PTDSS2: variants seen among roughly 807,000 people sequenced by gnomAD.
PTDSS2 encodes the protein PSS-2.
In PTDSS2, 41 loss-of-function variants were observed where a neutral mutation model predicts 64.7. The observed-to-expected ratio is 0.63, with a 90% CI of 0.49 to 0.82. The LOEUF is 0.82. Ranked by LOEUF, PTDSS2 falls within the 40% of genes least tolerant of loss-of-function variation. PTDSS2 has a pLI of 0.00. For synonymous variants in PTDSS2, 297 were observed against 277.8 expected, an observed-to-expected ratio of 1.07 and a Z score of -0.69; for missense variants, 485 against 650.0, an observed-to-expected ratio of 0.75 and a Z score of 2.76.
Position 450,471 on chromosome 11 carries a change from C to G in PTDSS2, c.16C>G (p.Arg6Gly), listed in dbSNP as rs550949084. MRRGE[R>G]RDAGGPRPES... is the part of the protein sequence containing the mutation. ...CCGAAACGCCATGCGGAGGGGCGAG[C>G]GCAGGGACGCCGGAGGTCCGCGGCC... Residue 6 changes from arginine (R) to glycine (G), a missense_variant, in exon 1 of 12, where the codon CGC (arginine) becomes GGC (glycine). Coordinates refer to ENST00000308020, the MANE Select transcript of PTDSS2 (RefSeq NM_030783.3). The G allele has an allele frequency of 8.1e-7, 1 of 1,231,006 alleles. No individual in the cohort carries two copies. Among genetic ancestry groups the G allele is most frequent in the Non-Finnish European group, 1.0e-6 (1 of 983,396 alleles). 76.3% of individuals were successfully genotyped at this position (1,231,006 alleles called of 1,614,324 possible). A position where few individuals can be genotyped will look rare whatever the true frequency, so the allele number is the denominator to read the frequency against.
At position 460,349 on chromosome 11, in the gene PTDSS2, C is replaced by A; in HGVS notation, c.284+61C>A. The A allele has an allele frequency of 7.1e-7, 1 of 1,413,840 alleles. No individual in the cohort carries two copies. Among genetic ancestry groups the A allele is most frequent in the Non-Finnish European group, 1.0e-6 (1 of 1,003,310 alleles). The allele number at this position is 1,413,840 out of a possible 1,614,324, so 87.6% of individuals were successfully genotyped here. ...CCTGTGCCCCGTGTGGTGGGTGTGG[C>A]ACCCTTACTGCTCGGGCTGCCGGGG... On this transcript the variant is annotated intron_variant, in intron 2 of 11. Transcript: ENST00000308020. This position sits in a 1 kb window ranked among gnomAD's most constrained non-coding sequence, Gnocchi z 5.8.
intron 4 of PTDSS2, among the ~76,000 whole-genome samples, chr11:483,307 G>C (rs12803626): frequency 3.6e-4 from 17 of 47,534 alleles, no homozygotes; most frequent in African/African-American, 1.0e-3. Flanking sequence ...CTACCGAGTG[G>C]AGAAGGTTCT....
intron 8 of PTDSS2, 76 bp downstream of exon 8, chr11:488,723 G>T: frequency 1.8e-6 from 2 of 1,085,472 alleles, no homozygotes. Context: ...TGCTCCAGCA[G>T]ACCCCGAGCA....
At chr11:457,498 C>T (rs1286611168) in intron 1 of PTDSS2, among the ~76,000 whole-genome samples, 1 of 152,222 alleles carries the variant, frequency 6.6e-6, no homozygotes. Flanking sequence ...TCTTGAGCTC[C>T]TGGCCCAAAA....
chr11:475,075 CATTCACGTGTTTGTGTGTGGGACAT>C (rs1331313690), intron 3 of PTDSS2, among the ~76,000 whole-genome samples: 1 of 60,578 alleles, frequency 1.7e-5, no homozygotes, highest in Non-Finnish European at 3.2e-5. Context: ...GATATGGACA[CATTCACGTGTTTGTGTGTGGGACAT>C]ATTCACGCGT....
chr11:475,267 T>TTGTGATGACATATTCACGCGTTTG (rs1847724087), intron 3 of PTDSS2, among the ~76,000 whole-genome samples: 1 of 149,106 alleles, frequency 6.7e-6, no homozygotes, highest in African/African-American at 2.5e-5. Flanking sequence ...ATTCACGCGT[T>TTGTGATGACATATTCACGCGTTTG]TGTGATACGG....
intron 1 of PTDSS2, among the ~76,000 whole-genome samples, chr11:457,617 G>C (rs948069060): frequency 5.3e-5 from 8 of 152,220 alleles, no homozygotes; most frequent in African/African-American, 1.9e-4. Context: ...TCCGCTGGTC[G>C]GAGGGACCAC....
chr11:468,392 T>C (rs1847239160), intron 2 of PTDSS2, among the ~76,000 whole-genome samples: 1 of 152,228 alleles, frequency 6.6e-6, no homozygotes, highest in Non-Finnish European at 1.5e-5. Context: ...GGTTGGTACA[T>C]GACACTGCGT....
At chr11:490,242 C>G (rs1024944512) in intron 11 of PTDSS2, among the ~76,000 whole-genome samples, 174 bp downstream of exon 11, 5 of 152,194 alleles carry the variant, frequency 3.3e-5, no homozygotes, top group Non-Finnish European at 7.3e-5. Context: ...TCGCTCTGCA[C>G]TGACAGATCC....
At chr11:448,625 A>C (rs1340985005), upstream of PTDSS2, among the ~76,000 whole-genome samples, 1 of 152,160 alleles carries the variant, frequency 6.6e-6, no homozygotes, top group Non-Finnish European at 1.5e-5. Context: ...CGCCCCCTGG[A>C]GCCAGCGCCT....
At chr11:474,143 G>A (rs780863419) in intron 3 of PTDSS2, among the ~76,000 whole-genome samples, 166 bp downstream of exon 3, 1 of 152,182 alleles carries the variant, frequency 6.6e-6, no homozygotes, top group Admixed American at 6.5e-5. Flanking sequence ...GGGGTTCTGA[G>A]CTGGCCGTGT....
Position 479,340 on chromosome 11 carries a change from G to T in PTDSS2, c.435+188G>T, listed in dbSNP as rs958768308. The T allele has an allele frequency of 3.1e-6, 2 of 643,532 alleles. No homozygotes were observed. Among genetic ancestry groups the T allele is most frequent in the Admixed American group, 5.2e-5 (2 of 38,536 alleles). The allele number at this position is 643,532 out of a possible 1,614,324, so 39.9% of individuals were successfully genotyped here. On this transcript the variant is annotated intron_variant, in intron 4 of 11. Transcript: ENST00000308020. The surrounding 1 kb of genome is among the most constrained non-coding windows in gnomAD (Gnocchi z 4.2). Reference sequence around the variant, plus strand: ...CTGTGCGGCCCTTGAGTGATGGGGGGCAGCAAAGCTAGACCTTCAAAACGT... The same window carrying T: ...CTGTGCGGCCCTTGAGTGATGGGGGTCAGCAAAGCTAGACCTTCAAAACGT...
At chr11:457,706 TTGAC>T (rs1336978555) in intron 1 of PTDSS2, among the ~76,000 whole-genome samples, 3 of 152,254 alleles carry the variant, frequency 2.0e-5, no homozygotes, top group Admixed American at 6.5e-5. Context: ...ATGTAAGTCT[TTGAC>T]TGGACCTGTG....
Position 486,777 on chromosome 11 carries a change from G to C in PTDSS2, c.436-162G>C, listed in dbSNP as rs892890622. The C allele has an allele frequency of 6.2e-6, 3 of 481,288 alleles. No homozygotes were observed. The African/African-American group carries it at 6.4e-5, about 10-fold the overall frequency. 29.8% of individuals were successfully genotyped at this position (481,288 alleles called of 1,614,324 possible). On this transcript the variant is annotated intron_variant, in intron 4 of 11. Transcript: ENST00000308020. ...GCAGGAGAATGGCGTGAACCCAGGA[G>C]GCGGAGCTTGCAGTGAGCCCAGTTC...
intron 1 of PTDSS2, among the ~76,000 whole-genome samples, chr11:451,900 G>T (rs1410879555): frequency 2.6e-5 from 4 of 152,178 alleles, no homozygotes; most frequent in East Asian, 3.9e-4. Context: ...TGAGTGTACC[G>T]GGTGGCTGCG....
chr11:477,465 G>C (rs1847858905), intron 3 of PTDSS2, among the ~76,000 whole-genome samples: 1 of 152,200 alleles, frequency 6.6e-6, no homozygotes, highest in East Asian at 1.9e-4. Context: ...AGCGACCCAG[G>C]AATGCAGACC....
chr11:465,270 A>T (rs1401664330), intron 2 of PTDSS2, among the ~76,000 whole-genome samples: 3 of 152,210 alleles, frequency 2.0e-5, no homozygotes, highest in Non-Finnish European at 4.4e-5. Context: ...AGCTCACTGT[A>T]GCCTCCAACT....
chr11:448,735 A>G (rs1846197396), upstream of PTDSS2, among the ~76,000 whole-genome samples: 1 of 152,172 alleles, frequency 6.6e-6, no homozygotes, highest in Non-Finnish European at 1.5e-5. Context: ...CCCCGCAAAT[A>G]TGTTTATATA....
chr11:450,720 A>G, intron 1 of PTDSS2, 83 bp downstream of exon 1: 1 of 1,144,858 alleles, frequency 8.7e-7, no homozygotes, highest in Non-Finnish European at 1.1e-6. Context: ...GGTCCCCGGC[A>G]GCGCCCTCTC....
Sources: gnomAD v4.1 joint callset for allele counts (sites outside exome capture counted in the v4.1 genomes callset) on GRCh38, gnomAD v4.1.1 for gene constraint, Gnocchi (gnomAD v3.1) non-coding constraint, MANE v1.5 for transcripts, NCBI Gene and HGNC (gene_info 2026-07-23, HGNC 2026-07-21) for gene names.